The following C1orf21 variants were observed in gnomAD, a reference collection of about 807,000 sequenced individuals.
C1orf21 encodes the protein chromosome 1 open reading frame 21, also known as uncharacterized protein C1orf21.
In C1orf21, 3 loss-of-function variants were observed where a neutral mutation model predicts 18.7. The ratio of observed to expected loss-of-function variants is 0.16; its 90% confidence interval spans 0.07 to 0.42. The LOEUF (loss-of-function observed/expected upper bound fraction) is 0.42, where lower values mean the gene tolerates loss of function less well. C1orf21 is among the 10% of genes least tolerant of loss of function. C1orf21 has a pLI of 0.99. For missense variants in C1orf21, 104 were observed against 143.6 expected (o/e 0.72, Z 1.41); for synonymous variants, 41 against 46.4 (o/e 0.88, Z 0.47).
rs573513259 is a variant in C1orf21 at position 184,559,277 on chromosome 1, C to G, written c.190-31462C>G. On this transcript the variant is annotated intron_variant, in intron 3 of 5. Transcript: ENST00000235307. ...AGTGTGTGGCACCTCCTCCCACCCC[C>G]ACTCTCTCTCCTGCTCCTGCTTTCA... Among the ~76,000 whole-genome samples, 8 of 152,124 alleles carry G rather than the reference C, an allele frequency of 5.3e-5. No homozygotes were observed. The East Asian group carries it at 1.5e-3, about 29-fold the overall frequency.
chr1:184,593,400 C>T (rs1016011533), intron 4 of C1orf21, among the ~76,000 whole-genome samples: 1 of 152,110 alleles, frequency 6.6e-6, no homozygotes, highest in Non-Finnish European at 1.5e-5. Flanking sequence ...TTTACTTTTC[C>T]TACTTGCTGA....
At chr1:184,457,690 G>A (rs182162974) in intron 1 of C1orf21, among the ~76,000 whole-genome samples, 2 of 152,198 alleles carry the variant, frequency 1.3e-5, no homozygotes, top group Admixed American at 1.3e-4. Flanking sequence ...AGCTATCCAT[G>A]TGCTTGCTTC....
chr1:184,586,284 A>ATTT (rs1659350738), intron 3 of C1orf21, among the ~76,000 whole-genome samples: 1 of 93,232 alleles, frequency 1.1e-5, no homozygotes, highest in Admixed American at 1.0e-4. Flanking sequence ...TCTTTTGTCC[A>ATTT]CTTTTTTTTT....
At chr1:184,548,540 T>A (rs1049927558) in intron 3 of C1orf21, among the ~76,000 whole-genome samples, 1 of 151,534 alleles carries the variant, frequency 6.6e-6, no homozygotes, top group Non-Finnish European at 1.5e-5. Context: ...TGCAGACTCC[T>A]TAGAGAAGTC....
chr1:184,483,385 A>G (rs1182835788), intron 2 of C1orf21, among the ~76,000 whole-genome samples: 5 of 152,222 alleles, frequency 3.3e-5, no homozygotes, highest in African/African-American at 1.2e-4. Context: ...CATAGAACAC[A>G]TTTAGGCCTT....
At chr1:184,446,362 C>T (rs1293286257) in intron 1 of C1orf21, among the ~76,000 whole-genome samples, 3 of 152,034 alleles carry the variant, frequency 2.0e-5, no homozygotes, top group Admixed American at 1.3e-4. Context: ...CTTTCCCAAG[C>T]GGCAAGTATG....
chr1:184,470,084 T>G (rs777081840), intron 1 of C1orf21, among the ~76,000 whole-genome samples: 48 of 152,310 alleles, frequency 3.2e-4, no homozygotes, highest in African/African-American at 8.7e-4. Context: ...GTGTGTGTGT[T>G]TTTTTATTTT....
At chr1:184,521,548 G>A (rs1371999553) in intron 3 of C1orf21, among the ~76,000 whole-genome samples, 1 of 152,168 alleles carries the variant, frequency 6.6e-6, no homozygotes, top group Non-Finnish European at 1.5e-5. Context: ...GATTCTACTT[G>A]CATGATATTC....
intron 3 of C1orf21, among the ~76,000 whole-genome samples, chr1:184,522,089 C>T (rs1658313271): frequency 1.3e-5 from 2 of 152,062 alleles, no homozygotes; most frequent in Non-Finnish European, 2.9e-5. Flanking sequence ...AGATATTTAA[C>T]AGGGGATGGC....
At chr1:184,389,812 G>A (rs1047138705) in intron 1 of C1orf21, among the ~76,000 whole-genome samples, 4 of 152,176 alleles carry the variant, frequency 2.6e-5, no homozygotes, top group Non-Finnish European at 5.9e-5. Flanking sequence ...CCAAAGGCTG[G>A]GAGAGGGAAT....
At chr1:184,457,153 ATACT>A (rs1197184017) in intron 1 of C1orf21, among the ~76,000 whole-genome samples, 1 of 152,216 alleles carries the variant, frequency 6.6e-6, no homozygotes, top group Non-Finnish European at 1.5e-5. Flanking sequence ...AGCCATGAAG[ATACT>A]TACAGAATAT....
chr1:184,584,130 C>CTTTT (rs1220752076), intron 3 of C1orf21, among the ~76,000 whole-genome samples: 3 of 81,858 alleles, frequency 3.7e-5, no homozygotes, highest in African/African-American at 1.5e-4. Context: ...GCTTGTTCTT[C>CTTTT]TTCTTTTTTT....
At chr1:184,501,673 T>C (rs779722019) in intron 2 of C1orf21, among the ~76,000 whole-genome samples, 18 of 152,188 alleles carry the variant, frequency 1.2e-4, no homozygotes, top group Non-Finnish European at 2.4e-4. Context: ...TTTATAAATA[T>C]TGTTGAAGTA....
chr1:184,517,019 G>T (rs1279983807), intron 3 of C1orf21, among the ~76,000 whole-genome samples: 1 of 152,202 alleles, frequency 6.6e-6, no homozygotes, highest in African/African-American at 2.4e-5. Flanking sequence ...GTTTTCCGAA[G>T]CATTTGATTG....
intron 1 of C1orf21, among the ~76,000 whole-genome samples, chr1:184,463,360 A>G (rs1046425057): frequency 2.6e-5 from 4 of 152,128 alleles, no homozygotes; most frequent in African/African-American, 9.7e-5. Flanking sequence ...TCATATGGAC[A>G]AAAGTTTCTA....
intron 2 of C1orf21, among the ~76,000 whole-genome samples, chr1:184,479,873 G>A (rs182461771): frequency 6.6e-4 from 101 of 152,050 alleles, no homozygotes; most frequent in African/African-American, 2.1e-3. Flanking sequence ...TCTGCCCACC[G>A]TGGCCTCCCA....
Position 184,531,473 on chromosome 1 carries a change from G to T in C1orf21, c.189+23791G>T, listed in dbSNP as rs1482949782. 2.6e-5 allele frequency among the ~76,000 whole-genome samples: 4 copies of T among 152,112 alleles called. No individual in the cohort carries two copies. The East Asian group carries it at 7.7e-4, about 29-fold the overall frequency. ...TCTCTCATAGAATGAGTGTATCCTG[G>T]TCTGTTCCTGTGTCTTAATGGGAAT... On this transcript the variant is annotated intron_variant, in intron 3 of 5. Coordinates refer to ENST00000235307, the MANE Select transcript of C1orf21 (RefSeq NM_030806.4).
rs374584198 is a variant in C1orf21, at chr1:184,488,983, G to A, written c.94+11380G>A. Among the ~76,000 whole-genome samples the A allele has an allele frequency of 6.5e-3, 983 of 151,868 alleles. 6 individuals carry two copies. Among genetic ancestry groups the A allele is most frequent in the Middle Eastern group, 0.014 (4 of 290 alleles). Reference sequence around the variant, plus strand: ...CTGTCTCAAGAAAAAGAAAAGAAAAGAAACTGTAAAAGTACTACAAAAAAC... The same window carrying A: ...CTGTCTCAAGAAAAAGAAAAGAAAAAAAACTGTAAAAGTACTACAAAAAAC... On this transcript the variant is annotated intron_variant, in intron 2 of 5. Transcript: ENST00000235307.
At chr1:184,436,833 G>A (rs1013438424) in intron 1 of C1orf21, among the ~76,000 whole-genome samples, 1 of 152,118 alleles carries the variant, frequency 6.6e-6, no homozygotes, top group East Asian at 1.9e-4. Context: ...TTCTAAGAGA[G>A]GTGACAGCCA....
Sources: allele counts gnomAD v4.1 joint callset (sites outside exome capture counted in the v4.1 genomes callset), GRCh38; gene constraint gnomAD v4.1.1; transcripts MANE v1.5; gene names NCBI Gene and HGNC (gene_info 2026-07-23, HGNC 2026-07-21).